The following RBFOX1 variants were observed in gnomAD, a reference collection of about 807,000 sequenced individuals.
RBFOX1 encodes RNA binding fox-1 homolog 1, also known as RNA binding protein fox-1 homolog 1.
Under a neutral mutation model 57.7 loss-of-function variants are expected in RBFOX1, and 8 were observed. The ratio of observed to expected loss-of-function variants is 0.14; its 90% CI spans 0.08 to 0.25. RBFOX1 has a LOEUF of 0.25. RBFOX1 is among the 10% of genes least tolerant of loss of function. The probability of loss-of-function intolerance (pLI) is 1.00; values close to 1 mark genes in which losing one functional copy is unlikely to be tolerated. For missense variants in RBFOX1, 611 were observed against 548.5 expected (o/e 1.11, Z -1.14); for synonymous variants, 326 against 222.4 (o/e 1.47, Z -4.15).
At chr16:5,750,467 G>T (rs929555138) in intron 3 of RBFOX1, among the ~76,000 whole-genome samples, 2 of 152,242 alleles carry the variant, frequency 1.3e-5, no homozygotes, top group Non-Finnish European at 2.9e-5. Flanking sequence ...CCCCAGAGGT[G>T]GAGTCTACAG....
intron 4 of RBFOX1, among the ~76,000 whole-genome samples, chr16:7,409,670 C>G (rs1038979056): frequency 4.6e-5 from 7 of 152,198 alleles, no homozygotes; most frequent in African/African-American, 1.7e-4. Context: ...TAGGCCAGAC[C>G]TTCTATCCTT....
intron 1 of RBFOX1, among the ~76,000 whole-genome samples, chr16:6,046,539 T>C (rs1245241151): frequency 6.6e-6 from 1 of 152,162 alleles, no homozygotes. Flanking sequence ...GAGGGGCTAT[T>C]CCTATATTCA....
intron 4 of RBFOX1, among the ~76,000 whole-genome samples, chr16:7,511,261 C>T (rs1034336569): frequency 1.3e-5 from 2 of 152,176 alleles, no homozygotes; most frequent in African/African-American, 4.8e-5. Flanking sequence ...TTTGCAAACC[C>T]TGACTGGCTA....
At chr16:5,357,683 G>A (rs1053660121) in intron 1 of RBFOX1, among the ~76,000 whole-genome samples, 6 of 152,316 alleles carry the variant, frequency 3.9e-5, no homozygotes, top group African/African-American at 1.4e-4. Flanking sequence ...GGTTTCAGCA[G>A]AGTCTTAAGG....
chr16:6,516,992 C>T (rs2096392561), intron 2 of RBFOX1, among the ~76,000 whole-genome samples: 1 of 152,152 alleles, frequency 6.6e-6, no homozygotes, highest in Non-Finnish European at 1.5e-5. Context: ...AGGTCAGAAG[C>T]TGTGAGCATA....
chr16:6,155,455 G>A (rs192224748), intron 1 of RBFOX1, among the ~76,000 whole-genome samples: 51 of 152,282 alleles, frequency 3.3e-4, no homozygotes, highest in African/African-American at 1.2e-3. Flanking sequence ...TTTATGATCC[G>A]GAAGGTAGAT....
chr16:5,483,723 G>A (rs575520299), intron 2 of RBFOX1, among the ~76,000 whole-genome samples: 1 of 152,312 alleles, frequency 6.6e-6, no homozygotes, highest in African/African-American at 2.4e-5. Flanking sequence ...ATGGATGAGT[G>A]TATTAGTTAT....
chr16:5,366,361 A>G, intron 1 of RBFOX1: 1 of 374,936 alleles, frequency 2.7e-6, no homozygotes, highest in Non-Finnish European at 5.2e-6. Flanking sequence ...GATAATGAGA[A>G]AACTGAAGAA....
intron 3 of RBFOX1, among the ~76,000 whole-genome samples, chr16:6,761,763 C>A (rs1259438875): frequency 6.6e-6 from 1 of 151,934 alleles, no homozygotes; most frequent in Non-Finnish European, 1.5e-5. Context: ...CCTCGGCCCC[C>A]TAAAGTGCTG....
chr16:6,763,509 A>G (rs1350899607), intron 3 of RBFOX1, among the ~76,000 whole-genome samples: 1 of 152,088 alleles, frequency 6.6e-6, no homozygotes, highest in Non-Finnish European at 1.5e-5. Context: ...CTCTCCTCCA[A>G]CCTGGTTGAC....
intron 1 of RBFOX1, among the ~76,000 whole-genome samples, chr16:6,242,460 C>T (rs2097544708): frequency 6.6e-6 from 1 of 151,786 alleles, no homozygotes; most frequent in South Asian, 2.1e-4. Flanking sequence ...AACTCCTGGC[C>T]ATAAATAATC....
rs117275768 is a variant in RBFOX1 at position 6,748,383 on chromosome 16, G to A, written c.-16+93733G>A. Among the ~76,000 whole-genome samples, 782 of 152,188 alleles carry A rather than the reference G, an allele frequency of 5.1e-3. 16 individuals are homozygous for A. The East Asian group carries it at 0.074, about 14-fold the overall frequency. On this transcript the variant is annotated intron_variant, in intron 3 of 15. Transcript: ENST00000550418. The stretch of plus-strand genomic sequence containing the variant: ...TGTATGAGCACAAATTATTTGGGGT[G>A]GGCACTGTGGCTCACACCTATAATC...
chr16:6,958,283 G>C (rs2082277281), intron 3 of RBFOX1, among the ~76,000 whole-genome samples: 1 of 152,134 alleles, frequency 6.6e-6, no homozygotes, highest in Non-Finnish European at 1.5e-5. Context: ...TGCTTTATGA[G>C]GCAATTATTC....
chr16:5,811,925 A>G (rs1015870110), intron 3 of RBFOX1, among the ~76,000 whole-genome samples: 15 of 152,014 alleles, frequency 9.9e-5, no homozygotes, highest in African/African-American at 2.2e-4. Flanking sequence ...TAGTTAATCT[A>G]CTCTCCCTCA....
chr16:7,476,381 G>C (rs1417382481), intron 4 of RBFOX1, among the ~76,000 whole-genome samples: 2 of 152,242 alleles, frequency 1.3e-5, no homozygotes, highest in East Asian at 3.8e-4. Context: ...AATACGTGAA[G>C]ATTTAATGAG....
chr16:6,508,261 G>A (rs1273995075), intron 2 of RBFOX1, among the ~76,000 whole-genome samples: 1 of 151,884 alleles, frequency 6.6e-6, no homozygotes, highest in Non-Finnish European at 1.5e-5. Context: ...ATAACTAATG[G>A]GTACTAGCCT....
At chr16:6,180,876 T>C (rs1057332828) in intron 1 of RBFOX1, among the ~76,000 whole-genome samples, 1 of 152,164 alleles carries the variant, frequency 6.6e-6, no homozygotes, top group Non-Finnish European at 1.5e-5. Context: ...TCTTTTGTTT[T>C]TAATCTTCAT....
chr16:6,928,437 G>A (rs1490683066), intron 3 of RBFOX1, among the ~76,000 whole-genome samples: 1 of 152,154 alleles, frequency 6.6e-6, no homozygotes, highest in African/African-American at 2.4e-5. Context: ...TGAGCTGGCA[G>A]CCAAGAGCTC....
At chr16:5,474,888 C>G (rs532412833) in intron 2 of RBFOX1, among the ~76,000 whole-genome samples, 38 of 152,328 alleles carry the variant, frequency 2.5e-4, no homozygotes, top group African/African-American at 8.9e-4. Flanking sequence ...TATTTATTGA[C>G]TAGCATTGGC....
Sources: gnomAD v4.1 joint callset for allele counts (sites outside exome capture counted in the v4.1 genomes callset) on GRCh38, gnomAD v4.1.1 for gene constraint, MANE v1.5 for transcripts, NCBI Gene and HGNC (gene_info 2026-07-23, HGNC 2026-07-21) for gene names.